Variants in NDUFAF6 observed in about 807,000 individuals in gnomAD.
NDUFAF6 encodes the protein NADH dehydrogenase (ubiquinone) complex I, assembly factor 6.
NDUFAF6 carries 45 observed loss-of-function variants against 40.8 expected under a neutral mutation model. That is an observed-to-expected ratio of 1.10 (90% CI 0.87 to 1.42). The LOEUF is 1.42. NDUFAF6 is among the 40% of genes most tolerant of loss of function. The probability of loss-of-function intolerance (pLI) is 0.00; values close to 1 mark genes in which losing one functional copy is unlikely to be tolerated. For missense variants in NDUFAF6, 435 were observed against 418.5 expected (o/e 1.04, Z -0.34); for synonymous variants, 185 against 155.9 (o/e 1.19, Z -1.39).
chr8:95,091,058 A>G (rs1809233251), intron 2 of NDUFAF6, among the ~76,000 whole-genome samples: 2 of 149,708 alleles, frequency 1.3e-5, no homozygotes, highest in African/African-American at 2.5e-5. Flanking sequence ...ACTCATATAT[A>G]TATATATCCT....
intron 4 of NDUFAF6, among the ~76,000 whole-genome samples, chr8:95,043,086 CTT>C (rs113805309): frequency 0.019 from 2,464 of 132,482 alleles, 66 homozygotes; most frequent in African/African-American, 0.062. Context: ...GCAGTGGTTT[CTT>C]TTTTTTTTTT....
chr8:94,940,834 G>A (rs1821459693), intron 1 of NDUFAF6: 1 of 1,610,562 alleles, frequency 6.2e-7, no homozygotes, highest in Non-Finnish European at 8.5e-7. Context: ...CCTTACCTAT[G>A]AAGTCAACAA....
intron 1 of NDUFAF6, among the ~76,000 whole-genome samples, chr8:94,903,629 G>C (rs1000599883): frequency 1.3e-5 from 2 of 152,170 alleles, no homozygotes; most frequent in Admixed American, 6.5e-5. Context: ...CTTGGGTTCG[G>C]GGGGAGTTTA....
chr8:95,047,228 A>G, intron 6 of NDUFAF6, 101 bp downstream of exon 6: 2 of 1,502,968 alleles, frequency 1.3e-6, no homozygotes, highest in African/African-American at 1.4e-5. Context: ...AATTGCTTTG[A>G]AAGGAATGCT....
intron 2 of NDUFAF6, among the ~76,000 whole-genome samples, chr8:95,001,755 G>A (rs1474714830): frequency 6.6e-6 from 1 of 152,176 alleles, no homozygotes; most frequent in East Asian, 1.9e-4. Context: ...GAAATAGTGT[G>A]GGGAAGTTGG....
downstream of NDUFAF6, among the ~76,000 whole-genome samples, chr8:95,080,474 G>T (rs1808801603): frequency 7.4e-6 from 1 of 134,870 alleles, no homozygotes; most frequent in Admixed American, 7.4e-5. Flanking sequence ...TTTTTGTAGT[G>T]TATTTTTGTA....
downstream of NDUFAF6, among the ~76,000 whole-genome samples, chr8:95,060,214 C>T (rs1832538520): frequency 6.6e-6 from 1 of 152,136 alleles, no homozygotes; most frequent in South Asian, 2.1e-4. Flanking sequence ...ATTTACTGTA[C>T]TATTAATTTC....
chr8:94,946,620 C>A (rs1586757975), intron 2 of NDUFAF6, among the ~76,000 whole-genome samples: 1 of 141,020 alleles, frequency 7.1e-6, no homozygotes, highest in South Asian at 2.3e-4. Context: ...TCGCTTGAGC[C>A]CATGAGTTTG....
At chr8:95,019,457 A>G (rs982647077) in intron 2 of NDUFAF6, among the ~76,000 whole-genome samples, 6 of 152,248 alleles carry the variant, frequency 3.9e-5, no homozygotes, top group Non-Finnish European at 8.8e-5. Context: ...AGGGGTCATC[A>G]TCAATCTTCC....
chr8:95,038,121 C>T (rs980047170), intron 3 of NDUFAF6, among the ~76,000 whole-genome samples: 1 of 152,202 alleles, frequency 6.6e-6, no homozygotes, highest in Non-Finnish European at 1.5e-5. Context: ...CATCCTCCCA[C>T]CTTGGCTTCC....
downstream of NDUFAF6, among the ~76,000 whole-genome samples, chr8:95,104,423 TG>T (rs1809754846): frequency 6.6e-6 from 1 of 152,226 alleles, no homozygotes; most frequent in Non-Finnish European, 1.5e-5. Context: ...CCTACTTGCC[TG>T]GTCCCTGTAC....
chr8:94,903,584 C>T (rs1818170014), intron 1 of NDUFAF6, among the ~76,000 whole-genome samples: 1 of 152,182 alleles, frequency 6.6e-6, no homozygotes. Context: ...AAGCGTGCTT[C>T]ACCAAAGTAG....
intron 1 of NDUFAF6, chr8:94,930,655 GA>G: frequency 6.2e-7 from 1 of 1,614,228 alleles, no homozygotes; most frequent in Non-Finnish European, 8.5e-7. Flanking sequence ...GGTTGTTCCA[GA>G]AAAGTTGTAT....
At chr8:95,022,018 T>C (rs1827711222), upstream of NDUFAF6, among the ~76,000 whole-genome samples, 1 of 152,226 alleles carries the variant, frequency 6.6e-6, no homozygotes, top group Non-Finnish European at 1.5e-5. Flanking sequence ...GTTGCATAAG[T>C]ATAGAAAAAT....
chr8:94,910,520 A>G (rs545555698), intron 1 of NDUFAF6, among the ~76,000 whole-genome samples: 3 of 152,286 alleles, frequency 2.0e-5, no homozygotes, highest in South Asian at 4.1e-4. Context: ...TCTTTCTCTG[A>G]TACCTCCTCG....
intron 2 of NDUFAF6, among the ~76,000 whole-genome samples, chr8:95,012,911 A>C (rs1827287707): frequency 6.6e-6 from 1 of 152,182 alleles, no homozygotes; most frequent in Admixed American, 6.5e-5. Context: ...TTATTAAGTC[A>C]GGGAAAAGAT....
At chr8:95,111,362 C>G (rs927737545) in intron 4 of NDUFAF6, among the ~76,000 whole-genome samples, 2 of 152,194 alleles carry the variant, frequency 1.3e-5, no homozygotes, top group Admixed American at 1.3e-4. Flanking sequence ...AAATATAAAA[C>G]TCTATTCAAA....
intron 4 of NDUFAF6, among the ~76,000 whole-genome samples, chr8:95,043,772 G>A (rs981055613): frequency 2.0e-5 from 3 of 152,300 alleles, no homozygotes; most frequent in South Asian, 2.1e-4. Flanking sequence ...AAAACCTTTC[G>A]TACATTGCTG....
chr8:94,965,090 GTCTGCAGTCAAC>G (rs1823900435), intron 1 of NDUFAF6, among the ~76,000 whole-genome samples: 1 of 152,186 alleles, frequency 6.6e-6, no homozygotes, highest in South Asian at 2.1e-4. Flanking sequence ...AAAGGGAAGA[GTCTGCAGTCAAC>G]TCTGTGGTCA....
Sources: allele counts gnomAD v4.1 joint callset (sites outside exome capture counted in the v4.1 genomes callset), GRCh38; gene constraint gnomAD v4.1.1; transcripts MANE v1.5; gene names NCBI Gene and HGNC (gene_info 2026-07-23, HGNC 2026-07-21).